MCCC1: variants seen among roughly 807,000 people sequenced by gnomAD.
MCCC1 encodes methylcrotonoyl-CoA carboxylase subunit alpha, mitochondrial.
MCCC1 carries 64 observed loss-of-function variants against 83.8 expected under a neutral mutation model. The observed-to-expected ratio is 0.76, with a 90% CI of 0.62 to 0.94. MCCC1 has a LOEUF of 0.94. Ranked by LOEUF, MCCC1 falls within the 40% of genes least tolerant of loss-of-function variation. The pLI, the probability that MCCC1 is intolerant of heterozygous loss-of-function variation, is 0.00. For missense variants in MCCC1, 807 were observed against 904.7 expected (o/e 0.89, Z 1.39); for synonymous variants, 322 against 315.4 (o/e 1.02, Z -0.22).
chr3:183,110,092 A>G (rs1273482499), intron 1 of MCCC1, among the ~76,000 whole-genome samples: 1 of 152,080 alleles, frequency 6.6e-6, no homozygotes, highest in African/African-American at 2.4e-5. Flanking sequence ...CCCATTTTTA[A>G]TAGGATTGTC....
chr3:183,053,757 A>ATC, intron 8 of MCCC1, among the ~76,000 whole-genome samples: 2 of 145,362 alleles, frequency 1.4e-5, no homozygotes, highest in Non-Finnish European at 3.0e-5. Context: ...GTGAGCCAAG[A>ATC]CTGCACCACT....
intron 7 of MCCC1, among the ~76,000 whole-genome samples, chr3:183,062,813 G>C (rs549304298): frequency 6.6e-6 from 1 of 152,204 alleles, no homozygotes; most frequent in South Asian, 2.1e-4. Context: ...ATCTAACTTA[G>C]AGTTTCTGGA....
At chr3:183,035,377 T>A (rs1344131905) in intron 13 of MCCC1, among the ~76,000 whole-genome samples, 2 of 152,192 alleles carry the variant, frequency 1.3e-5, no homozygotes, top group East Asian at 3.8e-4. Flanking sequence ...AAGCTTTCCA[T>A]ACAGCTATCT....
intron 7 of MCCC1, among the ~76,000 whole-genome samples, chr3:183,069,237 G>C (rs1716475451): frequency 6.6e-6 from 1 of 152,128 alleles, no homozygotes; most frequent in Non-Finnish European, 1.5e-5. Flanking sequence ...CAGCTATTGG[G>C]GGAATAAATT....
chr3:183,093,935 C>T (rs1276524052), intron 2 of MCCC1, among the ~76,000 whole-genome samples: 2 of 152,054 alleles, frequency 1.3e-5, no homozygotes, highest in Non-Finnish European at 2.9e-5. Context: ...TTTAGACCAT[C>T]GTAGTTATGA....
At chr3:183,100,582 G>C (rs926452973), upstream of MCCC1, among the ~76,000 whole-genome samples, 1 of 152,198 alleles carries the variant, frequency 6.6e-6, no homozygotes, top group African/African-American at 2.4e-5. Flanking sequence ...ACATAACTTT[G>C]ATACCAAAAT....
chr3:183,072,487 C>A lies in MCCC1; in HGVS notation c.370G>T (p.Ala124Ser), dbSNP rs1716771385. The A allele has an allele frequency of 6.2e-7, 1 of 1,613,682 alleles. No homozygotes were observed. Among genetic ancestry groups the A allele is most frequent in the East Asian group, 2.2e-5 (1 of 44,860 alleles). Residue 124 changes from alanine to serine, a missense_variant and splice_region_variant, in exon 5 of 19, where the codon GCT (alanine) becomes TCT (serine). Ala to Ser is a moderately conservative substitution (Grantham distance 99). Transcript: ENST00000265594. Reference sequence around the variant, plus strand: ...AGAAAACCGCATCCTGGATGGATAGCCTAGAAATGAGAAATAAAATAAAAA... The same window carrying A: ...AGAAAACCGCATCCTGGATGGATAGACTAGAAATGAGAAATAAAATAAAAA... ...IQVAKTSAAQ[A>S]IHPGCGFLSE...
intron 1 of MCCC1, among the ~76,000 whole-genome samples, chr3:183,105,032 T>TCA (rs1183566827): frequency 1.3e-5 from 2 of 152,208 alleles, no homozygotes; most frequent in African/African-American, 4.8e-5. Context: ...AGCAAACTGA[T>TCA]TAAAGAAACT....
intron 1 of MCCC1, among the ~76,000 whole-genome samples, chr3:183,095,300 C>T (rs1018320631): frequency 2.6e-5 from 4 of 151,200 alleles, no homozygotes; most frequent in African/African-American, 9.7e-5. Context: ...AAAACAAAAA[C>T]AAAAAGAACA....
At chr3:183,099,171 G>T (rs936881972) in intron 1 of MCCC1, 181 bp downstream of exon 1, 9 of 667,116 alleles carry the variant, frequency 1.3e-5, no homozygotes, top group Non-Finnish European at 2.4e-5. Context: ...GGGAAGGGCT[G>T]GTGGGGATGT....
chr3:183,106,158 C>T (rs1241119590), intron 1 of MCCC1, among the ~76,000 whole-genome samples: 1 of 149,054 alleles, frequency 6.7e-6, no homozygotes, highest in Non-Finnish European at 1.5e-5. Flanking sequence ...AATACTTCTG[C>T]AAGAACATGT....
intron 14 of MCCC1, among the ~76,000 whole-genome samples, chr3:183,031,767 G>A (rs1347775520): frequency 1.3e-5 from 2 of 151,268 alleles, no homozygotes; most frequent in East Asian, 3.9e-4. Context: ...CAAAGTGCTG[G>A]GGTTACGGGT....
At chr3:183,045,377 G>A in intron 10 of MCCC1, 36 bp downstream of exon 10, 7 of 1,611,754 alleles carry the variant, frequency 4.3e-6, no homozygotes, top group African/African-American at 1.3e-5. Context: ...ACCGCACCCA[G>A]CCAAGGCTGA....
At chr3:183,016,682 A>T (rs1236594077) in intron 18 of MCCC1, among the ~76,000 whole-genome samples, 2 of 152,208 alleles carry the variant, frequency 1.3e-5, no homozygotes, top group African/African-American at 4.8e-5. Context: ...TAAGCTGAGG[A>T]GCATATTCAA....
At chr3:183,054,027 G>A (rs1311175940) in intron 8 of MCCC1, among the ~76,000 whole-genome samples, 3 of 147,666 alleles carry the variant, frequency 2.0e-5, no homozygotes, top group Admixed American at 6.8e-5. Flanking sequence ...GATTACAGGC[G>A]CCTGCCACCA....
chr3:183,070,026 C>T (rs1198737171), intron 7 of MCCC1, among the ~76,000 whole-genome samples: 1 of 152,100 alleles, frequency 6.6e-6, no homozygotes, highest in East Asian at 1.9e-4. Flanking sequence ...TGCTTAGTGT[C>T]CTCACCTGTA....
intron 10 of MCCC1, among the ~76,000 whole-genome samples, chr3:183,042,556 G>A (rs1714176880): frequency 6.6e-6 from 1 of 152,076 alleles, no homozygotes; most frequent in Admixed American, 6.5e-5. Context: ...GAACTAAACC[G>A]GTAAGTATAA....
chr3:183,015,399 G>A lies in MCCC1; in HGVS notation c.*39C>T. 6.2e-7 allele frequency: 1 copy of A among 1,612,636 alleles called. No individual in the cohort carries two copies. Among genetic ancestry groups the A allele is most frequent in the East Asian group, 2.2e-5 (1 of 44,868 alleles). On this transcript the variant is annotated 3_prime_UTR_variant, in exon 19 of 19. Coordinates refer to ENST00000265594, the MANE Select transcript of MCCC1 (RefSeq NM_020166.5). ...AGGCACTTCCTCTTTTTGGTGGAGA[G>A]AGAAGACACTACTTAACTGGCCATT...
In MCCC1 at chr3:183,099,339, C is replaced by T; in HGVS notation, c.89+13G>A. ...CCCGCCTCTGCCCACTGAGCCATGG[C>T]CCCTCCACCCACCTCGGCGGCAGGA... On this transcript the variant is annotated intron_variant, in intron 1 of 18. Coordinates refer to ENST00000265594, the MANE Select transcript of MCCC1 (RefSeq NM_020166.5). 1.3e-6 allele frequency: 2 copies of T among 1,587,982 alleles called. No homozygotes were observed. Among genetic ancestry groups the T allele is most frequent in the Non-Finnish European group, 8.5e-7 (1 of 1,169,842 alleles).
Sources: gnomAD v4.1 joint callset for allele counts (sites outside exome capture counted in the v4.1 genomes callset) on GRCh38, gnomAD v4.1.1 for gene constraint, MANE v1.5 for transcripts, NCBI Gene and HGNC (gene_info 2026-07-23, HGNC 2026-07-21) for gene names.